Variants in SDK1 observed in about 807,000 individuals in gnomAD.
The protein encoded by SDK1 is sidekick cell adhesion molecule 1.
In SDK1, 157 loss-of-function variants were observed where a neutral mutation model predicts 245.5. The observed-to-expected ratio is 0.64, with a 90% CI of 0.56 to 0.73. The LOEUF is 0.73. Among genes scored for constraint, SDK1 ranks in the 30% least tolerant of loss-of-function variants. SDK1 has a pLI of 0.00. For missense variants in SDK1, 3,583 were observed against 3,002.3 expected, an observed-to-expected ratio of 1.19 and a Z score of -4.52; for synonymous variants, 1,647 against 1,278.5, an observed-to-expected ratio of 1.29 and a Z score of -6.15.
At chr7:3,629,164 G>A (rs532784383) in intron 2 of SDK1, among the ~76,000 whole-genome samples, 74 of 151,812 alleles carry the variant, frequency 4.9e-4, no homozygotes, top group African/African-American at 1.7e-3. Context: ...AGCCGGGCAT[G>A]GTGGCGGGCG....
At chr7:3,452,986 C>G (rs1780562667) in intron 1 of SDK1, among the ~76,000 whole-genome samples, 2 of 152,154 alleles carry the variant, frequency 1.3e-5, no homozygotes, top group South Asian at 4.1e-4. Flanking sequence ...CTACTCATGG[C>G]CATTGTGGGT....
chr7:4,224,737 T>G (rs1320770520), intron 40 of SDK1, among the ~76,000 whole-genome samples: 2 of 151,858 alleles, frequency 1.3e-5, no homozygotes, highest in East Asian at 3.9e-4. Flanking sequence ...TCCCAGCACT[T>G]TGGGAGGCCG....
At chr7:3,962,603 G>T in intron 8 of SDK1, 54 bp from the exon 9 acceptor site, 2 of 1,430,544 alleles carry the variant, frequency 1.4e-6, no homozygotes, top group Non-Finnish European at 1.9e-6. Context: ...ATGTGCTTCA[G>T]TTCTCACGTC....
At chr7:3,979,958 G>A (rs533591596) in intron 13 of SDK1, among the ~76,000 whole-genome samples, 1 of 152,330 alleles carries the variant, frequency 6.6e-6, no homozygotes, top group East Asian at 1.9e-4. Flanking sequence ...CTGACTTGGA[G>A]ACCCTGAGGC....
chr7:3,956,290 C>T (rs1237163705), intron 7 of SDK1, among the ~76,000 whole-genome samples: 2 of 152,190 alleles, frequency 1.3e-5, no homozygotes, highest in Non-Finnish European at 2.9e-5. Flanking sequence ...GTTTAACTCA[C>T]GGGCTTTTCA....
chr7:4,051,130 A>G (rs1562730750), intron 18 of SDK1, among the ~76,000 whole-genome samples: 1 of 139,422 alleles, frequency 7.2e-6, no homozygotes, highest in African/African-American at 2.7e-5. Flanking sequence ...TATACATATT[A>G]TATATAATAT....
At chr7:3,644,608 T>TA (rs987127438) in intron 4 of SDK1, among the ~76,000 whole-genome samples, 9 of 147,322 alleles carry the variant, frequency 6.1e-5, no homozygotes, top group African/African-American at 1.2e-4. Flanking sequence ...TACTGAAAAT[T>TA]AAAAAAAAAT....
At chr7:3,304,804 C>T (rs557224881) in intron 1 of SDK1, among the ~76,000 whole-genome samples, 1 of 152,222 alleles carries the variant, frequency 6.6e-6, no homozygotes, top group Non-Finnish European at 1.5e-5. Context: ...CCCAGTGTTT[C>T]TCAAACTTGG....
chr7:3,589,508 AT>A (rs1241128023), intron 1 of SDK1, among the ~76,000 whole-genome samples: 1 of 152,170 alleles, frequency 6.6e-6, no homozygotes, highest in African/African-American at 2.4e-5. Flanking sequence ...ACATTTTCAT[AT>A]TGCATGAAGA....
intron 1 of SDK1, among the ~76,000 whole-genome samples, chr7:3,540,128 C>T (rs986564651): frequency 1.3e-5 from 2 of 152,120 alleles, no homozygotes; most frequent in Admixed American, 6.5e-5. Context: ...AGAGGGAGGC[C>T]GGGTGTGGTG....
At chr7:3,518,230 T>C (rs1222674710) in intron 1 of SDK1, among the ~76,000 whole-genome samples, 3 of 152,114 alleles carry the variant, frequency 2.0e-5, no homozygotes, top group Non-Finnish European at 4.4e-5. Flanking sequence ...ATTAGTAATA[T>C]GTATTAAAAA....
chr7:3,811,339 G>T (rs1037318949), intron 4 of SDK1, among the ~76,000 whole-genome samples: 1 of 152,164 alleles, frequency 6.6e-6, no homozygotes, highest in African/African-American at 2.4e-5. Context: ...TATTAAGACA[G>T]AATATCATGG....
At chr7:4,035,619 CTTAACT>C (rs1466362146) in intron 17 of SDK1, among the ~76,000 whole-genome samples, 1 of 152,154 alleles carries the variant, frequency 6.6e-6, no homozygotes, top group African/African-American at 2.4e-5. Context: ...TCAGCCCAGT[CTTAACT>C]TTAAGTCTGA....
intron 11 of SDK1, among the ~76,000 whole-genome samples, chr7:3,970,780 T>G (rs1782431764): frequency 6.6e-6 from 1 of 152,332 alleles, no homozygotes; most frequent in East Asian, 1.9e-4. Context: ...AAAACTAAGA[T>G]GCAGAATTGT....
rs117857482 is a variant in SDK1 at position 3,635,849 on chromosome 7, G to A, written c.459-3155G>A. On this transcript the variant is annotated intron_variant, in intron 2 of 44. Coordinates refer to ENST00000404826, the MANE Select transcript of SDK1 (RefSeq NM_152744.4). ...AGCCCCTAAGTGGCTGGGATTACAGGCTCACACCACCACACTTGGCTAATT... is the reference window on the plus strand; with the variant it reads ...AGCCCCTAAGTGGCTGGGATTACAGACTCACACCACCACACTTGGCTAATT... Among the ~76,000 whole-genome samples, 1,189 of 152,172 alleles carry A rather than the reference G, an allele frequency of 7.8e-3. 6 individuals carry two copies. The highest frequency in any genetic ancestry group is 9.7e-3 in the Admixed American group (148 of 15,300).
chr7:3,507,773 T>C (rs1037275542), intron 1 of SDK1, among the ~76,000 whole-genome samples: 10 of 152,284 alleles, frequency 6.6e-5, no homozygotes, highest in African/African-American at 2.4e-4. Context: ...CCAATTAGCA[T>C]TGGAATATGT....
intron 4 of SDK1, among the ~76,000 whole-genome samples, chr7:3,774,844 A>G (rs1442575911): frequency 1.3e-5 from 2 of 152,206 alleles, no homozygotes; most frequent in Non-Finnish European, 2.9e-5. Context: ...ATGATCCTAC[A>G]AGTCTGACAA....
intron 25 of SDK1, among the ~76,000 whole-genome samples, chr7:4,115,203 C>A (rs1041912393): frequency 9.2e-5 from 14 of 152,194 alleles, no homozygotes; most frequent in Admixed American, 5.9e-4. Context: ...GAGGTTCTGT[C>A]TGGAGAAGGA....
intron 31 of SDK1, 119 bp downstream of exon 31, chr7:4,158,670 G>A (rs1383912341): frequency 2.9e-6 from 2 of 683,212 alleles, no homozygotes; most frequent in Admixed American, 2.3e-5. Context: ...GAAAGCAGTA[G>A]AATTCCATTA....
Sources: gnomAD v4.1 joint callset for allele counts (sites outside exome capture counted in the v4.1 genomes callset) on GRCh38, gnomAD v4.1.1 for gene constraint, MANE v1.5 for transcripts, NCBI Gene and HGNC (gene_info 2026-07-23, HGNC 2026-07-21) for gene names.